Variants in PPL observed in about 807,000 individuals in gnomAD.
PPL encodes 190 kDa paraneoplastic pemphigus antigen.
A neutral mutation model predicts 194.4 loss-of-function variants in PPL; 198 were observed. The ratio of observed to expected loss-of-function variants is 1.02; its 90% CI spans 0.91 to 1.15. PPL has a LOEUF of 1.15. PPL is among the 50% of genes most tolerant of loss of function. The probability of loss-of-function intolerance (pLI) is 0.00; values close to 1 mark genes in which losing one functional copy is unlikely to be tolerated. For missense variants in PPL, 2,885 were observed against 2,294.8 expected (o/e 1.26, Z -5.25); for synonymous variants, 1,220 against 972.4 (o/e 1.25, Z -4.74).
rs1596542445 is a variant in PPL at position 4,885,338 on chromosome 16, G to C, written c.3317C>G (p.Ala1106Gly). The C allele has an allele frequency of 6.2e-7, 1 of 1,612,430 alleles. No homozygotes were observed. Among genetic ancestry groups the C allele is most frequent in the Non-Finnish European group, 8.5e-7 (1 of 1,179,924 alleles). ...GACGGTGATCTTGCCCTCGGCCATGGCCCGCTCCTTCTCTAGCCTCTTGAG... is the reference window on the plus strand; with the variant it reads ...GACGGTGATCTTGCCCTCGGCCATGCCCCGCTCCTTCTCTAGCCTCTTGAG... ...DKLKRLEKER[A>G]MAEGKITVKE... The change falls in exon 22 of 22, where the codon GCC becomes GGC. Residue 1106 changes from alanine to glycine, a missense_variant. By Grantham distance (60) the Ala-to-Gly change is moderately conservative. Coordinates refer to ENST00000345988, the MANE Select transcript of PPL (RefSeq NM_002705.5). The surrounding 1 kb of genome is among the most constrained non-coding windows in gnomAD (Gnocchi z 6.3).
intron 19 of PPL, 102 bp from the exon 20 acceptor site, chr16:4,888,320 A>T (rs2075636): frequency 0.54 from 418,846 of 781,698 alleles, 114,641 homozygotes; most frequent in East Asian, 0.65. Context: ...GCCCTGTGCC[A>T]TGTGCTGGTT....
At chr16:4,913,367 T>C (rs1455364940) in intron 1 of PPL, among the ~76,000 whole-genome samples, 1 of 152,166 alleles carries the variant, frequency 6.6e-6, no homozygotes, top group Admixed American at 6.6e-5. Context: ...TGCCTCTGTC[T>C]CCCAATCCGA....
chr16:4,890,251 A>G lies in PPL; in HGVS notation c.2246T>C (p.Ile749Thr). ...HDHVLQFLVS[I>T]PSYEPQETDS... ...TGTCTCCTGGGGCTCGTAACTGGGG[A>G]TGCTGACTAGGAACTGCAGCACGTG... is the stretch of plus-strand genomic sequence containing the variant. The change falls in exon 18 of 22, where the codon ATC becomes ACC. Residue 749 changes from isoleucine (I) to threonine (T), a missense_variant. By Grantham distance (89) the Ile-to-Thr change is moderately conservative (BLOSUM62 -1). Transcript: ENST00000345988. 6.2e-7 allele frequency: 1 copy of G among 1,614,070 alleles called. No homozygotes were observed. Among genetic ancestry groups the G allele is most frequent in the South Asian group, 1.1e-5 (1 of 91,080 alleles).
At chr16:4,888,652 TC>T in intron 19 of PPL, 1 of 371,738 alleles carries the variant, frequency 2.7e-6, no homozygotes, top group Non-Finnish European at 4.9e-6. Flanking sequence ...ACCAGTCCTT[TC>T]CAGCGTACTA....
At chr16:4,893,950 T>G in intron 12 of PPL, 2 of 405,470 alleles carry the variant, frequency 4.9e-6, no homozygotes. Context: ...AATGAAGGCA[T>G]TCCTTGAATG....
At chr16:4,903,467 C>G (rs765393917) in intron 3 of PPL, among the ~76,000 whole-genome samples, 25 of 152,108 alleles carry the variant, frequency 1.6e-4, no homozygotes, top group Non-Finnish European at 3.1e-4. Flanking sequence ...TTTGTGTAAT[C>G]CCAGCACTTT....
chr16:4,889,835 G>A (rs2088286239), intron 18 of PPL, among the ~76,000 whole-genome samples: 1 of 152,324 alleles, frequency 6.6e-6, no homozygotes, highest in Non-Finnish European at 1.5e-5. Flanking sequence ...AAGGCACTGC[G>A]TTGGGCATGG....
At chr16:4,910,082 G>A (rs1430297142) in intron 2 of PPL, among the ~76,000 whole-genome samples, 4 of 152,192 alleles carry the variant, frequency 2.6e-5, no homozygotes, top group African/African-American at 4.8e-5. Context: ...TTAAAGAGAA[G>A]GTGACCATTC....
chr16:4,892,129 C>T lies in PPL; in HGVS notation c.1735G>A (p.Gly579Ser), dbSNP rs1178752078. The change falls in exon 15 of 22, where the codon GGC becomes AGC. Residue 579 changes from glycine (G) to serine (S), a missense_variant. Coordinates refer to ENST00000345988, the MANE Select transcript of PPL (RefSeq NM_002705.5). Reference protein sequence around the residue: ...EGEAFIQALPGSGTTPLLRTR... With the variant: ...EGEAFIQALPSSGTTPLLRTR... ...CTCAGCAGGGGTGTGGTGCCACTGCCTGGGAGGGCCTGGATGAAGGCTTCG... is the reference window on the plus strand; with the variant it reads ...CTCAGCAGGGGTGTGGTGCCACTGCTTGGGAGGGCCTGGATGAAGGCTTCG... The T allele has an allele frequency of 1.9e-6, 3 of 1,613,684 alleles. No homozygotes were observed. Among genetic ancestry groups the T allele is most frequent in the African/African-American group, 1.3e-5 (1 of 74,944 alleles).
At chr16:4,920,345 G>GAGAGAGAGAAAGAAAGAAAGAAAGAA in intron 1 of PPL, among the ~76,000 whole-genome samples, 1 of 25,166 alleles carries the variant, frequency 4.0e-5, no homozygotes, top group South Asian at 1.9e-3. Flanking sequence ...GAGAGAGAGA[G>GAGAGAGAGAAAGAAAGAAAGAAAGAA]AGAAAGAAAG....
In PPL at chr16:4,888,206, C is replaced by T. The variant is rs1367053403; in HGVS notation, c.2410G>A (p.Glu804Lys). Residue 804 changes from glutamate to lysine, a missense_variant, in exon 20 of 22, where the codon GAA (glutamate) becomes AAA (lysine). Transcript: ENST00000345988. ...AGAAGAGACCTTAGTTTTTCTGCTT[C>T]TAACTCATAGTCCTGCATGAGGGAG... ...YQQAVKDYEL[E>K]AEKLRSLLDL... is the part of the protein sequence containing the mutation. 6.2e-7 allele frequency: 1 copy of T among 1,608,180 alleles called. No homozygotes were observed. The highest frequency in any genetic ancestry group is 2.2e-5 in the East Asian group (1 of 44,840).
intron 1 of PPL, among the ~76,000 whole-genome samples, chr16:4,915,287 C>A (rs1392267737): frequency 6.6e-6 from 1 of 152,254 alleles, no homozygotes; most frequent in South Asian, 2.1e-4. Flanking sequence ...AAGCTATGAG[C>A]AGACAGGCCA....
rs772835493 is a variant in PPL at position 4,885,433 on chromosome 16, C to T, written c.3222G>A (p.Gln1074=). The T allele has an allele frequency of 1.2e-6, 2 of 1,612,668 alleles. No individual in the cohort carries two copies. The highest frequency in any genetic ancestry group is 8.5e-7 in the Non-Finnish European group (1 of 1,180,002). Residue 1074 remains glutamine, a synonymous_variant, in exon 22 of 22, where the codon CAG becomes CAA. Coordinates refer to ENST00000345988, the MANE Select transcript of PPL (RefSeq NM_002705.5). The surrounding 1 kb of genome is among the most constrained non-coding windows in gnomAD (Gnocchi z 6.3). ...GCTGGTCCTGGCGCTGGTGGTCCTC[C>T]TGCAGCTGCTGGTACTCTGCCTCCA... ...PQLEAEYQQL[Q]EDHQRQDQLR...
chr16:4,891,905 C>T lies in PPL; in HGVS notation c.1874G>A (p.Trp625Ter), dbSNP rs766453268. 6.2e-7 allele frequency: 1 copy of T among 1,613,602 alleles called. No homozygotes were observed. Among genetic ancestry groups the T allele is most frequent in the Non-Finnish European group, 8.5e-7 (1 of 1,180,010 alleles). ...GTTCTCGTGTGTGGCCAGCAACTCC[C>T]AGCTCTGCTGCAGGCTCTTCTCCAG... ...NRLEKSLQQS[W>*]ELLATHENHL... The change falls in exon 16 of 22, where the codon TGG becomes TAG. Residue 625 changes from tryptophan to a stop codon, truncating the protein, a stop_gained. Transcript: ENST00000345988. LOFTEE classifies it high-confidence loss of function.
chr16:4,893,150 G>T (rs1270088520), intron 14 of PPL, 63 bp downstream of exon 14: 28 of 1,437,708 alleles, frequency 1.9e-5, no homozygotes, highest in Non-Finnish European at 2.5e-5. Context: ...ACCTCAAATA[G>T]GGGCCCCAGG....
intron 1 of PPL, among the ~76,000 whole-genome samples, chr16:4,928,352 G>T (rs889599857): frequency 1.3e-5 from 2 of 152,210 alleles, no homozygotes; most frequent in African/African-American, 2.4e-5. Context: ...TACAGGCATG[G>T]GCCACTGTGC....
At chr16:4,929,081 T>G (rs1000717320) in intron 1 of PPL, among the ~76,000 whole-genome samples, 11 of 144,422 alleles carry the variant, frequency 7.6e-5, no homozygotes, top group African/African-American at 2.8e-4. Flanking sequence ...ACTCAAACTC[T>G]CTGAGCCTCA....
At chr16:4,931,841 A>G (rs1050562578) in intron 1 of PPL, among the ~76,000 whole-genome samples, 4 of 152,236 alleles carry the variant, frequency 2.6e-5, no homozygotes, top group Non-Finnish European at 4.4e-5. Context: ...CAGTGCCTGA[A>G]ATGCTACCAT....
chr16:4,885,187 T>C lies in PPL; in HGVS notation c.3468A>G (p.Arg1156=). 6.2e-7 allele frequency: 1 copy of C among 1,614,022 alleles called. No individual in the cohort carries two copies. Among genetic ancestry groups the C allele is most frequent in the Non-Finnish European group, 8.5e-7 (1 of 1,180,014 alleles). Residue 1156 remains arginine, a synonymous_variant, in exon 22 of 22, where the codon CGA becomes CGG. Transcript: ENST00000345988. This position sits in a 1 kb window ranked among gnomAD's most constrained non-coding sequence, Gnocchi z 6.3. ...ASQREKTELL[R]KIWALEEENA... is the part of the protein sequence containing the mutation. ...TCTCCTCCTCCAAGGCCCATATCTT[T>C]CGGAGCAGCTCCGTCTTCTCCCTCT... is the stretch of plus-strand genomic sequence containing the variant.
Sources: allele counts gnomAD v4.1 joint callset (sites outside exome capture counted in the v4.1 genomes callset), GRCh38; gene constraint gnomAD v4.1.1; non-coding constraint Gnocchi (gnomAD v3.1); transcripts MANE v1.5; gene names NCBI Gene and HGNC (gene_info 2026-07-23, HGNC 2026-07-21).